TAFA1: variants seen among roughly 807,000 people sequenced by gnomAD.
TAFA1 encodes the protein chemokine-like protein TAFA-1.
TAFA1 carries 4 observed loss-of-function variants against 18.5 expected under a neutral mutation model. The observed-to-expected ratio is 0.22, with a 90% confidence interval of 0.11 to 0.49. TAFA1 has a LOEUF of 0.49. Ranked by LOEUF, TAFA1 falls within the 20% of genes least tolerant of loss-of-function variation. TAFA1 has a pLI of 0.98. For missense variants in TAFA1, 147 were observed against 169.0 expected, an observed-to-expected ratio of 0.87 and a Z score of 0.72; for synonymous variants, 56 against 55.2, an observed-to-expected ratio of 1.01 and a Z score of -0.06.
At chr3:68,342,479 G>T (rs262210) in intron 2 of TAFA1, among the ~76,000 whole-genome samples, 67,758 of 152,004 alleles carry the variant, frequency 0.45, 15,850 homozygotes, top group East Asian at 0.73. Context: ...ATTCAAATAC[G>T]TCTTTCTCTT....
chr3:68,384,051 T>G (rs986202918), intron 2 of TAFA1, among the ~76,000 whole-genome samples: 2 of 151,918 alleles, frequency 1.3e-5, no homozygotes, highest in Non-Finnish European at 2.9e-5. Context: ...CTGATTGTAT[T>G]TATTTGGATC....
chr3:68,211,102 A>C (rs1341303373), intron 2 of TAFA1, among the ~76,000 whole-genome samples: 3 of 152,016 alleles, frequency 2.0e-5, no homozygotes, highest in African/African-American at 7.2e-5. Context: ...GATCCAAGAG[A>C]GAACAAGGCA....
intron 2 of TAFA1, among the ~76,000 whole-genome samples, chr3:68,203,722 A>T (rs929100657): frequency 1.5e-4 from 22 of 151,700 alleles, no homozygotes; most frequent in African/African-American, 4.8e-4. Context: ...GAAGTTGGGT[A>T]CTGTCCTTTC....
chr3:68,133,303 T>C (rs2065566045), intron 2 of TAFA1, among the ~76,000 whole-genome samples: 1 of 152,248 alleles, frequency 6.6e-6, no homozygotes, highest in African/African-American at 2.4e-5. Flanking sequence ...GGTAGCATGA[T>C]GCTTCCAGCT....
chr3:68,230,099 T>C (rs1341374815), intron 2 of TAFA1, among the ~76,000 whole-genome samples: 1 of 152,178 alleles, frequency 6.6e-6, no homozygotes, highest in East Asian at 1.9e-4. Context: ...TCAAACATTT[T>C]TGATTTCTTT....
intron 2 of TAFA1, among the ~76,000 whole-genome samples, chr3:68,393,919 C>G (rs1167424088): frequency 3.4e-5 from 5 of 148,368 alleles, no homozygotes; most frequent in Non-Finnish European, 4.4e-5. Flanking sequence ...ACAGAAAGGG[C>G]AAAAGCTGGA....
At chr3:68,203,950 G>GCCCCCCC (rs68051336) in intron 2 of TAFA1, among the ~76,000 whole-genome samples, 1 of 126,156 alleles carries the variant, frequency 7.9e-6, no homozygotes, top group Admixed American at 8.3e-5. Flanking sequence ...AATGTCAAAG[G>GCCCCCCC]CCCCCCCCAC....
intron 2 of TAFA1, among the ~76,000 whole-genome samples, chr3:68,234,332 C>T (rs931218043): frequency 2.0e-5 from 3 of 152,254 alleles, no homozygotes; most frequent in South Asian, 4.1e-4. Context: ...GGCAGCTTTC[C>T]AAGCACACAG....
intron 2 of TAFA1, among the ~76,000 whole-genome samples, chr3:68,102,828 G>A (rs1239547195): frequency 1.3e-5 from 2 of 152,192 alleles, no homozygotes. Flanking sequence ...TTGGGCTTAA[G>A]GGTCCAGCTC....
At chr3:68,372,809 GA>G (rs34078724) in intron 2 of TAFA1, among the ~76,000 whole-genome samples, 2 of 151,958 alleles carry the variant, frequency 1.3e-5, no homozygotes, top group Non-Finnish European at 1.5e-5. Flanking sequence ...CAGCTATTTG[GA>G]AAAAAAAGTG....
At chr3:68,413,742 T>TG (rs1194894036) in intron 2 of TAFA1, among the ~76,000 whole-genome samples, 1 of 151,022 alleles carries the variant, frequency 6.6e-6, no homozygotes, top group African/African-American at 2.4e-5. Flanking sequence ...TTACAGGTGT[T>TG]GGGGGCAGGG....
Position 68,223,544 on chromosome 3 carries a change from T to A in TAFA1, c.119-193736T>A, listed in dbSNP as rs543161283. ...AGCCTGTTAGGACCATTTTTTTTTT[T>A]TTATTATCACCATGTCCTTCTAATA... On this transcript the variant is annotated intron_variant, in intron 2 of 4. Transcript: ENST00000478136. 3.7e-3 allele frequency among the ~76,000 whole-genome samples: 555 copies of A among 151,662 alleles called. 4 individuals are homozygous for A. Among genetic ancestry groups the A allele is most frequent in the African/African-American group, 0.013 (524 of 41,408 alleles).
intron 2 of TAFA1, among the ~76,000 whole-genome samples, chr3:68,135,704 G>A (rs1332968052): frequency 6.6e-6 from 1 of 152,136 alleles, no homozygotes; most frequent in Non-Finnish European, 1.5e-5. Flanking sequence ...GATCCTTTAA[G>A]GATTAAACCA....
intron 2 of TAFA1, among the ~76,000 whole-genome samples, chr3:68,342,997 G>C (rs2069109272): frequency 6.6e-6 from 1 of 152,136 alleles, no homozygotes. Flanking sequence ...TATAGGTTTA[G>C]TTGCTTTAAC....
At chr3:68,415,569 T>A (rs921046054) in intron 2 of TAFA1, among the ~76,000 whole-genome samples, 2 of 152,098 alleles carry the variant, frequency 1.3e-5, no homozygotes, top group African/African-American at 4.8e-5. Context: ...ACAGAAAATA[T>A]GTTATTTATA....
intron 3 of TAFA1, among the ~76,000 whole-genome samples, chr3:68,469,820 A>T (rs2071961386): frequency 6.6e-6 from 1 of 152,230 alleles, no homozygotes; most frequent in African/African-American, 2.4e-5. Flanking sequence ...ACCTTGTACC[A>T]GTGATGGGCT....
chr3:68,518,361 T>A (rs1271549135), intron 3 of TAFA1, among the ~76,000 whole-genome samples: 1 of 152,186 alleles, frequency 6.6e-6, no homozygotes, highest in African/African-American at 2.4e-5. Context: ...TTTCAAAGTA[T>A]TATTTATTTT....
intron 2 of TAFA1, among the ~76,000 whole-genome samples, chr3:68,076,112 T>C (rs1217771854): frequency 6.6e-6 from 1 of 152,202 alleles, no homozygotes; most frequent in African/African-American, 2.4e-5. Flanking sequence ...TGTTCCACTG[T>C]TATTTAAGCA....
chr3:68,156,594 T>G (rs2065869707), intron 2 of TAFA1, among the ~76,000 whole-genome samples: 1 of 152,278 alleles, frequency 6.6e-6, no homozygotes, highest in South Asian at 2.1e-4. Context: ...GGCAATAAAA[T>G]GATCCATTAA....
Sources: gnomAD v4.1 joint callset for allele counts (sites outside exome capture counted in the v4.1 genomes callset) on GRCh38, gnomAD v4.1.1 for gene constraint, MANE v1.5 for transcripts, NCBI Gene and HGNC (gene_info 2026-07-23, HGNC 2026-07-21) for gene names.